FBXW11: variants seen among roughly 807,000 people sequenced by gnomAD.
FBXW11 encodes F-box and WD repeat domain containing 11, also known as F-box/WD repeat-containing protein 11.
In FBXW11, 19 loss-of-function variants were observed where a neutral mutation model predicts 77.6. That is an observed-to-expected ratio of 0.24 (90% CI 0.17 to 0.36). The LOEUF (loss-of-function observed/expected upper bound fraction) is 0.36, where lower values mean the gene tolerates loss of function less well. Among genes scored for constraint, FBXW11 ranks in the 10% least tolerant of loss-of-function variants. FBXW11 has a pLI of 1.00. For missense variants in FBXW11, 334 were observed against 704.2 expected, an observed-to-expected ratio of 0.47 and a Z score of 5.95; for synonymous variants, 235 against 249.4, an observed-to-expected ratio of 0.94 and a Z score of 0.54.
chr5:171,932,640 C>A (rs1033321568), intron 2 of FBXW11, among the ~76,000 whole-genome samples: 1 of 152,104 alleles, frequency 6.6e-6, no homozygotes. Flanking sequence ...GACAATTTGG[C>A]AGTTTCTTAC....
At chr5:171,878,727 T>G (rs532028396) in intron 7 of FBXW11, among the ~76,000 whole-genome samples, 1 of 151,866 alleles carries the variant, frequency 6.6e-6, no homozygotes, top group East Asian at 1.9e-4. Context: ...AAGGCAAGGC[T>G]GCAGTGAGCC....
At chr5:171,916,678 A>T (rs567549155) in intron 2 of FBXW11, among the ~76,000 whole-genome samples, 1 of 152,326 alleles carries the variant, frequency 6.6e-6, no homozygotes, top group South Asian at 2.1e-4. Flanking sequence ...GACTCAGTAC[A>T]GCATCCCCTG....
intron 2 of FBXW11, among the ~76,000 whole-genome samples, chr5:171,945,430 T>C (rs559750873): frequency 1.3e-5 from 2 of 152,320 alleles, no homozygotes; most frequent in South Asian, 2.1e-4. Context: ...ACATAGAAGG[T>C]AGATACCCCT....
intron 2 of FBXW11, among the ~76,000 whole-genome samples, chr5:171,942,051 A>G (rs2113180398): frequency 6.6e-6 from 1 of 151,680 alleles, no homozygotes; most frequent in Non-Finnish European, 1.5e-5. Flanking sequence ...GATAGTCTCA[A>G]GCTTATAGAA....
chr5:171,917,785 T>TGC (rs1304419007), intron 2 of FBXW11, among the ~76,000 whole-genome samples: 5 of 151,944 alleles, frequency 3.3e-5, no homozygotes, highest in Non-Finnish European at 7.4e-5. Context: ...TGTGTGTGTG[T>TGC]GTGTGTGTGT....
At chr5:171,882,596 T>C (rs1453296149) in intron 7 of FBXW11, among the ~76,000 whole-genome samples, 1 of 152,186 alleles carries the variant, frequency 6.6e-6, no homozygotes, top group African/African-American at 2.4e-5. Flanking sequence ...TGAACCACTG[T>C]GCCCAGCCTC....
intron 2 of FBXW11, among the ~76,000 whole-genome samples, chr5:171,929,707 C>A (rs1190274376): frequency 1.3e-5 from 2 of 151,954 alleles, no homozygotes; most frequent in Non-Finnish European, 2.9e-5. Context: ...AAAAAATTAG[C>A]CGGGCATGGT....
chr5:171,977,731 A>C (rs957758625), intron 1 of FBXW11: 3 of 376,324 alleles, frequency 8.0e-6, no homozygotes, highest in East Asian at 9.1e-5. Flanking sequence ...AAGAGAGAGA[A>C]GCTTGTGCAG....
At chr5:171,987,166 C>T (rs371363786) in intron 1 of FBXW11, among the ~76,000 whole-genome samples, 17 of 152,282 alleles carry the variant, frequency 1.1e-4, no homozygotes, top group East Asian at 5.8e-4. Flanking sequence ...GAAACTGGTC[C>T]CTGGTGCCAA....
intron 2 of FBXW11, among the ~76,000 whole-genome samples, chr5:171,944,561 C>T (rs1306123915): frequency 3.9e-4 from 44 of 112,632 alleles, no homozygotes; most frequent in African/African-American, 1.4e-3. Flanking sequence ...TGGGCGACAG[C>T]GAGACTCCAT....
intron 2 of FBXW11, among the ~76,000 whole-genome samples, chr5:171,957,057 T>C (rs934640582): frequency 6.6e-6 from 1 of 152,230 alleles, no homozygotes; most frequent in African/African-American, 2.4e-5. Context: ...GTGTCAGATC[T>C]GGCCTTTGGG....
chr5:171,890,341 G>A lies in FBXW11; in HGVS notation c.852+1126C>T, dbSNP rs1232639480. ...AGCTCAAGACCAGCCTGGGCAACAC[G>A]GCAAAACACCATCTCTACTAAAAAC... On this transcript the variant is annotated intron_variant, in intron 7 of 13. Coordinates refer to ENST00000517395, the MANE Select transcript of FBXW11 (RefSeq NM_001378974.1). Among the ~76,000 whole-genome samples the A allele has an allele frequency of 1.6e-4, 24 of 152,010 alleles. No individual in the cohort carries two copies. The East Asian group carries it at 3.1e-3, about 20-fold the overall frequency.
At chr5:171,992,909 A>T (rs1270283662) in intron 1 of FBXW11, among the ~76,000 whole-genome samples, 3 of 152,124 alleles carry the variant, frequency 2.0e-5, no homozygotes, top group African/African-American at 7.2e-5. Flanking sequence ...AGGAAAATTC[A>T]ACTGTTTTCT....
intron 2 of FBXW11, among the ~76,000 whole-genome samples, chr5:171,928,582 T>C (rs1473538810): frequency 6.6e-6 from 1 of 152,234 alleles, no homozygotes; most frequent in African/African-American, 2.4e-5. Flanking sequence ...GAATGGAAGA[T>C]TGTAATCGGT....
At chr5:171,886,106 T>G (rs1294877556) in intron 7 of FBXW11, among the ~76,000 whole-genome samples, 1 of 152,240 alleles carries the variant, frequency 6.6e-6, no homozygotes, top group Non-Finnish European at 1.5e-5. Context: ...AAAGTTGTTA[T>G]AAACCATTCT....
At chr5:171,967,648 T>C (rs1317965060) in intron 1 of FBXW11, among the ~76,000 whole-genome samples, 1 of 151,818 alleles carries the variant, frequency 6.6e-6, no homozygotes, top group Non-Finnish European at 1.5e-5. Flanking sequence ...CAGACTAGCC[T>C]GACCAACATG....
Position 171,929,048 on chromosome 5 carries a change from G to C in FBXW11, c.148-14643C>G, listed in dbSNP as rs1241235408. On this transcript the variant is annotated intron_variant, in intron 2 of 13. Transcript: ENST00000517395. ...AGGTCGTGCCACTGCACTCCAGCCT[G>C]GGTGACAGAGCAAGCTCCATCTAAA... Among the ~76,000 whole-genome samples, 16 of 152,036 alleles carry C rather than the reference G, an allele frequency of 1.1e-4. No individual in the cohort carries two copies. In the East Asian group the frequency reaches 3.1e-3, roughly 29 times the overall value.
In FBXW11 at chr5:171,998,336, C is replaced by CTTTTTTTTTTTTTTTTTTTT. The variant is rs778327855; in HGVS notation, c.45+8121_45+8122insAAAAAAAAAAAAAAAAAAAA. ...ACAGCCCATGATATTTTTTTCTTGT[C>CTTTTTTTTTTTTTTTTTTTT]TTTTTTTTTTTTTTTTTAAGTAGAG... On this transcript the variant is annotated intron_variant, in intron 1 of 13. Transcript: ENST00000517395. 1.7e-3 allele frequency among the ~76,000 whole-genome samples: 194 copies of CTTTTTTTTTTTTTTTTTTTT among 114,788 alleles called. 25 individuals carry two copies. The highest frequency in any genetic ancestry group is 7.5e-3 in the African/African-American group (179 of 23,996). 75.3% of individuals were successfully genotyped at this position (114,788 alleles called of 152,430 possible).
intron 1 of FBXW11, among the ~76,000 whole-genome samples, chr5:171,987,883 A>T (rs1161337315): frequency 6.6e-6 from 1 of 152,242 alleles, no homozygotes; most frequent in Non-Finnish European, 1.5e-5. Flanking sequence ...AAAAGACTAC[A>T]AGCTTCTGGA....
Sources: allele counts gnomAD v4.1 joint callset (sites outside exome capture counted in the v4.1 genomes callset), GRCh38; gene constraint gnomAD v4.1.1; transcripts MANE v1.5; gene names NCBI Gene and HGNC (gene_info 2026-07-23, HGNC 2026-07-21).